GPR155: variants seen among roughly 807,000 people sequenced by gnomAD.
GPR155 encodes the protein G protein-coupled receptor 155.
A neutral mutation model predicts 93.1 loss-of-function variants in GPR155; 65 were observed. That is an observed-to-expected ratio of 0.70 (90% CI 0.57 to 0.86). GPR155 has a LOEUF of 0.86. GPR155 is among the 40% of genes least tolerant of loss of function. The pLI is 0.00. For synonymous variants in GPR155, 319 were observed against 360.1 expected (o/e 0.89, Z 1.29); for missense variants, 838 against 1,034.8 (o/e 0.81, Z 2.61).
intron 15 of GPR155, 93 bp from the exon 16 acceptor site, chr2:174,436,509 A>G: frequency 1.7e-6 from 2 of 1,180,038 alleles, no homozygotes; most frequent in South Asian, 1.4e-5. Flanking sequence ...GAAGGAAACA[A>G]GGAAAGACAG....
Position 174,481,826 on chromosome 2 carries a change from G to A in GPR155, c.131C>T (p.Pro44Leu). Residue 44 changes from proline to leucine, a missense_variant, in exon 2 of 16, where the codon CCA (proline) becomes CTA (leucine). Coordinates refer to ENST00000392552, the MANE Select transcript of GPR155 (RefSeq NM_152529.7). ...AATGCCAAAGCATTCCAGTAAGGCT[G>A]GAAAAAGCCTTGTAATTGACATTGA... ...PPSMSITRLFPALLECFGIVL... is the reference protein window; with the variant it reads ...PPSMSITRLFLALLECFGIVL... 1 of 1,614,116 alleles carries A rather than the reference G, an allele frequency of 6.2e-7. No homozygotes were observed. Among genetic ancestry groups the A allele is most frequent in the Non-Finnish European group, 8.5e-7 (1 of 1,179,970 alleles).
chr2:174,477,885 C>T lies in GPR155; in HGVS notation c.460+3612G>A, dbSNP rs117373750. On this transcript the variant is annotated intron_variant, in intron 2 of 15. Coordinates refer to ENST00000392552, the MANE Select transcript of GPR155 (RefSeq NM_152529.7). ...CAAAATTAGCCACCCACTGTGCTTC[C>T]TATTTTGATTCCTGCAGGGTTTCAA... 7.1e-3 allele frequency among the ~76,000 whole-genome samples: 1,077 copies of T among 152,250 alleles called. 12 individuals carry two copies. Among genetic ancestry groups the T allele is most frequent in the East Asian group, 0.034 (176 of 5,188 alleles).
intron 11 of GPR155, among the ~76,000 whole-genome samples, chr2:174,447,647 A>G (rs968291234): frequency 6.8e-6 from 1 of 146,288 alleles, no homozygotes. Context: ...TATTAAATAT[A>G]TAATATATAT....
chr2:174,473,775 A>G (rs997063002), intron 2 of GPR155, among the ~76,000 whole-genome samples: 3 of 152,174 alleles, frequency 2.0e-5, no homozygotes, highest in African/African-American at 7.2e-5. Context: ...GAGTGGTAAG[A>G]GACAGAAGTC....
chr2:174,482,526 A>G (rs1280254153), intron 1 of GPR155, among the ~76,000 whole-genome samples: 4 of 152,232 alleles, frequency 2.6e-5, no homozygotes, highest in Admixed American at 6.5e-5. Context: ...GGTATAGTAG[A>G]GCACTACTAA....
At position 174,436,335 on chromosome 2, in the gene GPR155, G is replaced by A; in HGVS notation, c.2394C>T (p.Asp798=). The A allele has an allele frequency of 6.2e-7, 1 of 1,614,098 alleles. No homozygotes were observed. The highest frequency in any genetic ancestry group is 8.5e-7 in the Non-Finnish European group (1 of 1,180,014). The change falls in exon 16 of 16, where the codon GAC becomes GAT. Residue 798 remains aspartate, a synonymous_variant. Transcript: ENST00000392552. The part of the protein sequence containing the change: ...SWLIEVGLAS[D]RGEAVIYGDR... ...CTCCGTATATCACAGCTTCACCACG[G>A]TCGGAGGCAAGGCCGACTTCAATTA...
intron 14 of GPR155, 44 bp from the exon 15 acceptor site, chr2:174,440,079 TGAGA>T (rs1470858175): frequency 1.3e-6 from 2 of 1,557,572 alleles, no homozygotes; most frequent in African/African-American, 2.7e-5. Context: ...AGAAAAGCAC[TGAGA>T]GAGAACTCTT....
intron 1 of GPR155, among the ~76,000 whole-genome samples, chr2:174,485,984 A>C (rs1688466614): frequency 1.3e-5 from 2 of 152,232 alleles, no homozygotes; most frequent in African/African-American, 4.8e-5. Context: ...CGAACCACTG[A>C]TACTGTAAAT....
In GPR155 at chr2:174,474,364, A is replaced by G. The variant is rs181942719; in HGVS notation, c.461-1000T>C. The stretch of plus-strand genomic sequence containing the variant: ...GGAATGAAAAGGAATGAATGCCTTC[A>G]AAGAAGACCAGTGGAGATACTTAAG... On this transcript the variant is annotated intron_variant, in intron 2 of 15. Coordinates refer to ENST00000392552, the MANE Select transcript of GPR155 (RefSeq NM_152529.7). Among the ~76,000 whole-genome samples, 254 of 152,352 alleles carry G rather than the reference A, an allele frequency of 1.7e-3. 4 individuals are homozygous for G. The highest frequency in any genetic ancestry group is 6.6e-4 in the Non-Finnish European group (45 of 68,038).
intron 13 of GPR155, among the ~76,000 whole-genome samples, chr2:174,444,523 C>T (rs1388726772): frequency 8.0e-6 from 1 of 125,522 alleles, no homozygotes; most frequent in Non-Finnish European, 1.6e-5. Context: ...AGTCTCATCT[C>T]ACTCTGTCAC....
chr2:174,470,884 C>T (rs1455139452), intron 3 of GPR155, among the ~76,000 whole-genome samples: 1 of 151,998 alleles, frequency 6.6e-6, no homozygotes, highest in Non-Finnish European at 1.5e-5. Context: ...TTCTTGCTTC[C>T]TCTATCAGTT....
intron 5 of GPR155, 30 bp from the exon 6 acceptor site, chr2:174,466,657 A>G (rs757945687): frequency 1.9e-5 from 21 of 1,134,316 alleles, no homozygotes; most frequent in Non-Finnish European, 2.6e-5. Flanking sequence ...AAAGTTATTC[A>G]TGTTTCTTAA....
chr2:174,447,421 AAAT>A (rs956534176), intron 11 of GPR155, among the ~76,000 whole-genome samples: 3 of 146,456 alleles, frequency 2.0e-5, no homozygotes, highest in African/African-American at 4.9e-5. Flanking sequence ...TTAGTTATAT[AAAT>A]AATATATACA....
At chr2:174,463,753 C>T (rs1427059551) in intron 7 of GPR155, among the ~76,000 whole-genome samples, 1 of 152,160 alleles carries the variant, frequency 6.6e-6, no homozygotes, top group African/African-American at 2.4e-5. Context: ...ATTAGAATTA[C>T]TGGGTTTGTA....
chr2:174,475,160 T>C (rs1688122351), intron 2 of GPR155, among the ~76,000 whole-genome samples: 1 of 149,412 alleles, frequency 6.7e-6, no homozygotes, highest in Non-Finnish European at 1.5e-5. Flanking sequence ...CCGGGCGTAG[T>C]GGCGGGCGCC....
intron 10 of GPR155, among the ~76,000 whole-genome samples, chr2:174,459,470 C>A (rs1027970717): frequency 2.0e-5 from 3 of 152,188 alleles, no homozygotes; most frequent in Non-Finnish European, 4.4e-5. Context: ...ATTTGACAAG[C>A]ACTCATGATA....
At chr2:174,484,259 A>T (rs1286650662) in intron 1 of GPR155, among the ~76,000 whole-genome samples, 3 of 152,246 alleles carry the variant, frequency 2.0e-5, no homozygotes, top group African/African-American at 7.2e-5. Flanking sequence ...TATCTTGGGA[A>T]AGCTACCGGT....
intron 11 of GPR155, among the ~76,000 whole-genome samples, chr2:174,452,883 C>G (rs1414870113): frequency 6.6e-6 from 1 of 152,208 alleles, no homozygotes; most frequent in African/African-American, 2.4e-5. Context: ...AACTCCTGAC[C>G]TTGTGATCCA....
At chr2:174,467,030 GCCTGTAAT>G (rs1221060483) in intron 5 of GPR155, among the ~76,000 whole-genome samples, 2 of 151,920 alleles carry the variant, frequency 1.3e-5, no homozygotes, top group Non-Finnish European at 2.9e-5. Flanking sequence ...AGTGGCGGGC[GCCTGTAAT>G]CCCAGCTATT....
Sources: allele counts gnomAD v4.1 joint callset (sites outside exome capture counted in the v4.1 genomes callset), GRCh38; gene constraint gnomAD v4.1.1; transcripts MANE v1.5; gene names NCBI Gene and HGNC (gene_info 2026-07-23, HGNC 2026-07-21).